The following HAUS3 variants were observed in gnomAD, a reference collection of about 807,000 sequenced individuals.
HAUS3 encodes the protein HAUS augmin like complex subunit 3, also known as HAUS augmin-like complex subunit 3.
Under a neutral mutation model 55.2 loss-of-function variants are expected in HAUS3, and 36 were observed. The ratio of observed to expected loss-of-function variants is 0.65; its 90% CI spans 0.50 to 0.86. HAUS3 has a LOEUF of 0.86. Among genes scored for constraint, HAUS3 ranks in the 40% least tolerant of loss-of-function variants. HAUS3 has a pLI of 0.00. For synonymous variants in HAUS3, 234 were observed against 238.6 expected (o/e 0.98, Z 0.18); for missense variants, 752 against 671.5 (o/e 1.12, Z -1.33).
rs143607052 is a variant in HAUS3, at chr4:2,232,082, C to T, written c.1657G>A (p.Val553Met). ...GCCAAAGTTTTTCTTTTTGTCTTCA[C>T]ATCAGCAAGAATATCAGTGAGGAGA... ...NHLLTDILAD[V>M]KTKRKTLANN... The change falls in exon 6 of 6, where the codon GTG becomes ATG. Residue 553 changes from valine (V) to methionine (M), a missense_variant. Physicochemically the swap from Val to Met is conservative, Grantham distance 21 (BLOSUM62 1). Coordinates refer to ENST00000443786, the MANE Select transcript of HAUS3 (RefSeq NM_001303143.2). 1.8e-4 allele frequency: 296 copies of T among 1,603,182 alleles called. 1 individual carries two copies. The highest frequency in any genetic ancestry group is 4.3e-4 in the African/African-American group (32 of 74,552).
chr4:2,238,696 G>A lies in HAUS3; in HGVS notation c.1257C>T (p.Leu419=), dbSNP rs1734854673. 1 of 1,612,704 alleles carries A rather than the reference G, an allele frequency of 6.2e-7. No individual in the cohort carries two copies. Among genetic ancestry groups the A allele is most frequent in the African/African-American group, 1.3e-5 (1 of 75,012 alleles). Residue 419 remains leucine, a synonymous_variant, in exon 4 of 6, where the codon CTC becomes CTT. Coordinates refer to ENST00000443786, the MANE Select transcript of HAUS3 (RefSeq NM_001303143.2). ...VQELSQSNMM[L]YKQLEMLTDP... ...CTGTTAACATTTCTAATTGCTTGTAGAGCATCATGTTACTTTGACTAAGTT... is the reference window on the plus strand; with the variant it reads ...CTGTTAACATTTCTAATTGCTTGTAAAGCATCATGTTACTTTGACTAAGTT...
chr4:2,239,649 T>G (rs980227548), intron 3 of HAUS3, among the ~76,000 whole-genome samples: 12 of 152,202 alleles, frequency 7.9e-5, no homozygotes, highest in Non-Finnish European at 1.6e-4. Flanking sequence ...GACCTCTGAC[T>G]TCATTAGCAC....
intron 4 of HAUS3, among the ~76,000 whole-genome samples, chr4:2,238,048 T>C (rs944885793): frequency 6.6e-6 from 1 of 152,186 alleles, no homozygotes; most frequent in Non-Finnish European, 1.5e-5. Flanking sequence ...ACCCTAGTCC[T>C]GGAGAAAAAT....
At chr4:2,232,636 T>A (rs1169659963) in intron 5 of HAUS3, among the ~76,000 whole-genome samples, 2 of 152,108 alleles carry the variant, frequency 1.3e-5, no homozygotes, top group African/African-American at 2.4e-5. Flanking sequence ...AATCTCCATT[T>A]TTCATTTTTT....
chr4:2,229,701 A>C lies in HAUS3; in HGVS notation c.*2226T>G, dbSNP rs1285642231. The C allele has an allele frequency of 6.6e-6, 1 of 152,384 alleles. No homozygotes were observed. Among genetic ancestry groups the C allele is most frequent in the Non-Finnish European group, 1.5e-5 (1 of 68,388 alleles). 9.4% of individuals were successfully genotyped at this position (152,384 alleles called of 1,614,324 possible). A position where few individuals can be genotyped will look rare whatever the true frequency, so the allele number is the denominator to read the frequency against. ...ATTAACCAGGCATGGTGGCACCTGT[A>C]ATCCCAGCTACTCGGGAGGCCTGAG... is the stretch of plus-strand genomic sequence containing the variant. On this transcript the variant is annotated 3_prime_UTR_variant, in exon 6 of 6. Transcript: ENST00000443786.
Position 2,229,147 on chromosome 4 carries a change from G to A in HAUS3, c.*2780C>T. On this transcript the variant is annotated 3_prime_UTR_variant, in exon 6 of 6. Coordinates refer to ENST00000443786, the MANE Select transcript of HAUS3 (RefSeq NM_001303143.2). The stretch of plus-strand genomic sequence containing the variant: ...TTAGAATCCACTAAATCACCTGAAT[G>A]CATAGCAGACATAATCTTCTGAGCA... 6.2e-7 allele frequency: 1 copy of A among 1,610,898 alleles called. No homozygotes were observed. The highest frequency in any genetic ancestry group is 8.5e-7 in the Non-Finnish European group (1 of 1,177,150).
In HAUS3 at chr4:2,240,119, T is replaced by C; in HGVS notation, c.828A>G (p.Leu276=). The change falls in exon 3 of 6, where the codon TTA becomes TTG. Residue 276 remains leucine, a synonymous_variant. Coordinates refer to ENST00000443786, the MANE Select transcript of HAUS3 (RefSeq NM_001303143.2). ...QLAYICAQHQ[L]IHLKASNSSM... ...TCGAATTACTTGCTTTTAAGTGAAT[T>C]AACTGATGTTGAGCACAAATGTATG... The C allele has an allele frequency of 1.2e-6, 2 of 1,614,028 alleles. No individual in the cohort carries two copies. The highest frequency in any genetic ancestry group is 1.7e-6 in the Non-Finnish European group (2 of 1,179,900).
intron 4 of HAUS3, among the ~76,000 whole-genome samples, chr4:2,237,270 ATT>A (rs5855728): frequency 1.4e-5 from 2 of 146,084 alleles, no homozygotes; most frequent in Non-Finnish European, 1.5e-5. Context: ...ATCTCTACAA[ATT>A]TTTTTTTTTT....
chr4:2,240,950 T>C lies in HAUS3; in HGVS notation c.-4A>G, dbSNP rs2108781840. 6.3e-7 allele frequency: 1 copy of C among 1,583,084 alleles called. No homozygotes were observed. The highest frequency in any genetic ancestry group is 2.2e-5 in the East Asian group (1 of 44,814). On this transcript the variant is annotated 5_prime_UTR_variant, in exon 3 of 6. Transcript: ENST00000443786. The stretch of plus-strand genomic sequence containing the variant: ...CAAACTCATTTCCACAACTCATGGT[T>C]TTAACTACCCCAATTTTGTTGTATC...
chr4:2,229,193 A>G lies in HAUS3; in HGVS notation c.*2734T>C, dbSNP rs150022553. ...GAGCAACACTGGAGAGCGGTGTATT[A>G]CAGAGATCAAAGCCTACCAATGCCT... On this transcript the variant is annotated 3_prime_UTR_variant, in exon 6 of 6. Coordinates refer to ENST00000443786, the MANE Select transcript of HAUS3 (RefSeq NM_001303143.2). The G allele has an allele frequency of 6.2e-6, 10 of 1,610,478 alleles. No individual in the cohort carries two copies. In the African/African-American group the frequency reaches 1.3e-4, roughly 22 times the overall value.
In HAUS3 at chr4:2,240,212, T is replaced by C. The variant is rs1734923363; in HGVS notation, c.735A>G (p.Thr245=). 1 of 1,613,906 alleles carries C rather than the reference T, an allele frequency of 6.2e-7. No homozygotes were observed. The highest frequency in any genetic ancestry group is 1.7e-5 in the Admixed American group (1 of 59,986). ...EDNFQLLDIQ[T]PSICDNQEIL... Reference sequence around the variant, plus strand: ...TTTCTTGATTATCACAAATAGATGGTGTCTGTATATCTAAAAGTTGAAAAT... The same window carrying C: ...TTTCTTGATTATCACAAATAGATGGCGTCTGTATATCTAAAAGTTGAAAAT... The change falls in exon 3 of 6, where the codon ACA becomes ACG. Residue 245 remains threonine, a synonymous_variant. Transcript: ENST00000443786.
chr4:2,229,591 G>A lies in HAUS3; in HGVS notation c.*2336C>T, dbSNP rs1734503842. On this transcript the variant is annotated 3_prime_UTR_variant, in exon 6 of 6. Coordinates refer to ENST00000443786, the MANE Select transcript of HAUS3 (RefSeq NM_001303143.2). ...TGTGATCCCTGCACTTTGGTAGACT[G>A]AGGCGGGTGGATCACCTGAGGTCAG... 6.4e-6 allele frequency: 1 copy of A among 157,064 alleles called. No individual in the cohort carries two copies. Among genetic ancestry groups the A allele is most frequent in the Non-Finnish European group, 1.4e-5 (1 of 71,424 alleles). 9.7% of individuals were successfully genotyped at this position (157,064 alleles called of 1,614,324 possible).
chr4:2,235,641 T>C (rs1435876512), intron 5 of HAUS3, among the ~76,000 whole-genome samples: 1 of 152,208 alleles, frequency 6.6e-6, no homozygotes, highest in Non-Finnish European at 1.5e-5. Flanking sequence ...AAGCAAGTCA[T>C]TGAAGGATAC....
chr4:2,240,016 C>G, intron 3 of HAUS3, 22 bp downstream of exon 3: 1 of 1,575,830 alleles, frequency 6.3e-7, no homozygotes, highest in Non-Finnish European at 8.7e-7. Context: ...AATGTGAATC[C>G]AATCTCATTT....
At position 2,238,711 on chromosome 4, in the gene HAUS3, T is replaced by C. The variant is rs1460330132; in HGVS notation, c.1242A>G (p.Gln414=). ...ATTGCTTGTAGAGCATCATGTTACT[T>C]TGACTAAGTTCTTGAACCAAATTTT... ...QLENLVQELS[Q]SNMMLYKQLE... Residue 414 remains glutamine (Q), a synonymous_variant, in exon 4 of 6, where the codon CAA becomes CAG. Transcript: ENST00000443786. 2 of 1,613,488 alleles carry C rather than the reference T, an allele frequency of 1.2e-6. No homozygotes were observed. Among genetic ancestry groups the C allele is most frequent in the African/African-American group, 1.3e-5 (1 of 74,926 alleles).
chr4:2,229,355 A>G lies in HAUS3; in HGVS notation c.*2572T>C. 1.1e-6 allele frequency: 1 copy of G among 915,092 alleles called. No individual in the cohort carries two copies. Among genetic ancestry groups the G allele is most frequent in the Non-Finnish European group, 1.6e-6 (1 of 643,992 alleles). The allele number at this position is 915,092 out of a possible 1,614,324, so 56.7% of individuals were successfully genotyped here. The stretch of plus-strand genomic sequence containing the variant: ...ATACCAACTTTCATTTAAAATGTCT[A>G]TATTCATAACCACAGAAAATAGGCA... On this transcript the variant is annotated 3_prime_UTR_variant, in exon 6 of 6. Coordinates refer to ENST00000443786, the MANE Select transcript of HAUS3 (RefSeq NM_001303143.2).
intron 3 of HAUS3, among the ~76,000 whole-genome samples, 181 bp downstream of exon 3, chr4:2,239,856 CA>C (rs1734906825): frequency 1.3e-5 from 2 of 152,176 alleles, no homozygotes; most frequent in Admixed American, 6.5e-5. Flanking sequence ...TGCTGCCCTC[CA>C]TTAACGTATG....
chr4:2,236,547 G>T, intron 4 of HAUS3, 91 bp from the exon 5 acceptor site: 1 of 833,796 alleles, frequency 1.2e-6, no homozygotes, highest in Non-Finnish European at 1.9e-6. Context: ...CATTTGTGGG[G>T]ATAGCTAAGT....
intron 3 of HAUS3, among the ~76,000 whole-genome samples, 189 bp downstream of exon 3, chr4:2,239,849 T>C (rs1734906167): frequency 6.6e-6 from 1 of 152,228 alleles, no homozygotes; most frequent in Non-Finnish European, 1.5e-5. Flanking sequence ...TTACTATTGC[T>C]GCCCTCCATT....
Sources: allele counts gnomAD v4.1 joint callset (sites outside exome capture counted in the v4.1 genomes callset), GRCh38; gene constraint gnomAD v4.1.1; transcripts MANE v1.5; gene names NCBI Gene and HGNC (gene_info 2026-07-23, HGNC 2026-07-21).